CNTNAP2: variants seen among roughly 807,000 people sequenced by gnomAD.
CNTNAP2 encodes contactin associated protein 2.
CNTNAP2 carries 98 observed loss-of-function variants against 155.2 expected under a neutral mutation model. The ratio of observed to expected loss-of-function variants is 0.63; its 90% CI spans 0.54 to 0.75. The LOEUF (loss-of-function observed/expected upper bound fraction) is 0.75. Among genes scored for constraint, CNTNAP2 ranks in the 30% least tolerant of loss-of-function variants. The pLI is 0.00. For missense variants in CNTNAP2, 1,727 were observed against 1,688.1 expected, an observed-to-expected ratio of 1.02 and a Z score of -0.40; for synonymous variants, 651 against 631.2, an observed-to-expected ratio of 1.03 and a Z score of -0.47.
chr7:147,559,181 G>A (rs1800011823), intron 11 of CNTNAP2, among the ~76,000 whole-genome samples: 1 of 152,170 alleles, frequency 6.6e-6, no homozygotes, highest in Admixed American at 6.5e-5. Flanking sequence ...CGGCCTAATT[G>A]TTAACTCTGA....
rs374999832 is a variant in CNTNAP2 at position 147,798,712 on chromosome 7, G to A, written c.2099-104853G>A. ...CACTCATTCCTAAATCCTGACAAGG[G>A]AAATGGATTTACCATGATTGATTTA... is the stretch of plus-strand genomic sequence containing the variant. On this transcript the variant is annotated intron_variant, in intron 13 of 23. Transcript: ENST00000361727. 2.4e-4 allele frequency among the ~76,000 whole-genome samples: 36 copies of A among 152,302 alleles called. No homozygotes were observed. The East Asian group carries it at 5.0e-3, about 21-fold the overall frequency.
At chr7:146,862,113 A>G (rs73740898) in intron 3 of CNTNAP2, among the ~76,000 whole-genome samples, 2,173 of 152,298 alleles carry the variant, frequency 0.014, 50 homozygotes, top group African/African-American at 0.049. Context: ...GTCGATGGCA[A>G]TGTTAAGACT....
At chr7:146,229,239 A>G (rs1339034575) in intron 1 of CNTNAP2, among the ~76,000 whole-genome samples, 1 of 152,230 alleles carries the variant, frequency 6.6e-6, no homozygotes, top group Non-Finnish European at 1.5e-5. Context: ...ATCATTATAA[A>G]AGAACTGGAA....
rs191051149 is a variant in CNTNAP2 at position 147,869,602 on chromosome 7, A to G, written c.2099-33963A>G. On this transcript the variant is annotated intron_variant, in intron 13 of 23. Transcript: ENST00000361727. ...TAATTTCAGCTCACAAGACAGTAGTAATTTCAAAATAACTAAGGAAGGGAA... is the reference window on the plus strand; with the variant it reads ...TAATTTCAGCTCACAAGACAGTAGTGATTTCAAAATAACTAAGGAAGGGAA... 2.7e-3 allele frequency among the ~76,000 whole-genome samples: 412 copies of G among 152,352 alleles called. 2 individuals carry two copies. Among genetic ancestry groups the G allele is most frequent in the Non-Finnish European group, 4.4e-3 (300 of 68,036 alleles).
chr7:147,994,124 C>T (rs1457816529), intron 15 of CNTNAP2, among the ~76,000 whole-genome samples: 1 of 152,130 alleles, frequency 6.6e-6, no homozygotes, highest in Non-Finnish European at 1.5e-5. Flanking sequence ...AACCCCAGCA[C>T]TTTGGGAGGC....
At chr7:147,344,717 G>T (rs1314029354) in intron 9 of CNTNAP2, among the ~76,000 whole-genome samples, 1 of 152,044 alleles carries the variant, frequency 6.6e-6, no homozygotes, top group Admixed American at 6.6e-5. Flanking sequence ...ACTTGTCTTA[G>T]TTCTTTAAAG....
chr7:148,298,028 AT>A (rs1258538080), intron 21 of CNTNAP2, among the ~76,000 whole-genome samples: 6 of 152,238 alleles, frequency 3.9e-5, no homozygotes, highest in African/African-American at 1.2e-4. Context: ...AATGAAACAA[AT>A]TTAAAGTAAA....
chr7:147,805,956 G>A (rs117004740), intron 13 of CNTNAP2, among the ~76,000 whole-genome samples: 1,721 of 152,250 alleles, frequency 0.011, 95 homozygotes, highest in Admixed American at 0.09. Context: ...GGTTTCTTGA[G>A]TAAGACCTTA....
chr7:146,187,082 A>G (rs766492567), intron 1 of CNTNAP2, among the ~76,000 whole-genome samples: 9 of 152,318 alleles, frequency 5.9e-5, no homozygotes, highest in Non-Finnish European at 1.3e-4. Context: ...AAACTTAGAA[A>G]TAATTTTTTA....
At chr7:146,856,164 C>G (rs532130628) in intron 3 of CNTNAP2, among the ~76,000 whole-genome samples, 2 of 151,678 alleles carry the variant, frequency 1.3e-5, no homozygotes, top group Non-Finnish European at 2.9e-5. Context: ...TAGTTAAGGA[C>G]AGTAATGCAT....
At chr7:147,104,903 TATATATATATATATG>T (rs1800733135) in intron 4 of CNTNAP2, among the ~76,000 whole-genome samples, 1 of 116,464 alleles carries the variant, frequency 8.6e-6, no homozygotes, top group African/African-American at 3.6e-5. Context: ...TATATATATA[TATATATATATATATG>T]AATTATTCCA....
chr7:147,264,406 A>G (rs1260178742), intron 8 of CNTNAP2, among the ~76,000 whole-genome samples: 1 of 151,974 alleles, frequency 6.6e-6, no homozygotes, highest in African/African-American at 2.4e-5. Context: ...TGAAAGAGAT[A>G]CGTAGAATGG....
intron 8 of CNTNAP2, among the ~76,000 whole-genome samples, chr7:147,193,417 A>G (rs914635736): frequency 4.6e-5 from 7 of 152,320 alleles, no homozygotes; most frequent in Admixed American, 4.6e-4. Flanking sequence ...ATTCAAAAGC[A>G]GTGTTAAGCC....
chr7:146,938,334 T>G (rs10271496), intron 3 of CNTNAP2, among the ~76,000 whole-genome samples: 3,907 of 151,564 alleles, frequency 0.026, 157 homozygotes, highest in African/African-American at 0.09. Flanking sequence ...ATGTGTGTGT[T>G]TATATATATC....
chr7:147,709,985 A>G (rs1212710359), intron 13 of CNTNAP2, among the ~76,000 whole-genome samples: 1 of 152,064 alleles, frequency 6.6e-6, no homozygotes, highest in African/African-American at 2.4e-5. Flanking sequence ...TGCCCAAAAG[A>G]TCTGTCTTTT....
At chr7:146,939,715 G>A (rs1369621990) in intron 3 of CNTNAP2, among the ~76,000 whole-genome samples, 1 of 152,018 alleles carries the variant, frequency 6.6e-6, no homozygotes, top group African/African-American at 2.4e-5. Context: ...CCAATTTTAT[G>A]GTTATAGAAA....
chr7:148,188,621 A>G (rs1795158581), intron 18 of CNTNAP2, among the ~76,000 whole-genome samples: 1 of 152,220 alleles, frequency 6.6e-6, no homozygotes, highest in Non-Finnish European at 1.5e-5. Flanking sequence ...TCCAGAATCC[A>G]AGCTAATGGC....
intron 1 of CNTNAP2, among the ~76,000 whole-genome samples, chr7:146,441,333 A>C (rs1352173825): frequency 6.6e-6 from 1 of 151,398 alleles, no homozygotes; most frequent in Non-Finnish European, 1.5e-5. Flanking sequence ...GTTTCAGAGG[A>C]CTTTCATATT....
intron 9 of CNTNAP2, among the ~76,000 whole-genome samples, chr7:147,370,350 G>T (rs1796321466): frequency 6.6e-6 from 1 of 152,082 alleles, no homozygotes; most frequent in South Asian, 2.1e-4. Context: ...ACACGTCCTT[G>T]GGGCAGTCAT....
Sources: gnomAD v4.1 joint callset for allele counts (sites outside exome capture counted in the v4.1 genomes callset) on GRCh38, gnomAD v4.1.1 for gene constraint, MANE v1.5 for transcripts, NCBI Gene and HGNC (gene_info 2026-07-23, HGNC 2026-07-21) for gene names.